LRRC56: variants seen among roughly 807,000 people sequenced by gnomAD.
LRRC56 encodes the protein leucine rich repeat containing 56.
LRRC56 carries 41 observed loss-of-function variants against 47.8 expected under a neutral mutation model. The ratio of observed to expected loss-of-function variants is 0.86; its 90% CI spans 0.67 to 1.11. LRRC56 has a LOEUF of 1.11. Among genes scored for constraint, LRRC56 ranks in the 50% most tolerant of loss-of-function variants. LRRC56 has a pLI of 0.00. For synonymous variants in LRRC56, 387 were observed against 311.2 expected (o/e 1.24, Z -2.56); for missense variants, 759 against 704.2 (o/e 1.08, Z -0.88).
chr11:512,374 C>G, the LRRC56 span, among the ~76,000 whole-genome samples: 1 of 152,126 alleles, frequency 6.6e-6, no homozygotes, highest in Non-Finnish European at 1.5e-5. Flanking sequence ...GCTGGGATCA[C>G]AGGTGCCCGC....
the LRRC56 span, among the ~76,000 whole-genome samples, chr11:521,417 T>G: frequency 6.6e-6 from 1 of 152,092 alleles, no homozygotes; most frequent in Non-Finnish European, 1.5e-5. Flanking sequence ...CAAGCAACCC[T>G]CCTGCCTCAG....
Position 540,601 on chromosome 11 carries a change from G to T in LRRC56, c.-11-73G>T, listed in dbSNP as rs1405136759. On this transcript the variant is annotated intron_variant, in intron 3 of 13. Transcript: ENST00000270115. ...ACGGGGGCGGGGGGTTGAGGGCTGG[G>T]CCAGGGTCTCAGCCGGGCTGCAGAG... 6 of 1,368,174 alleles carry T rather than the reference G, an allele frequency of 4.4e-6. No individual in the cohort carries two copies. The Admixed American group carries it at 8.4e-5, about 19-fold the overall frequency. The allele number at this position is 1,368,174 out of a possible 1,614,324, so 84.8% of individuals were successfully genotyped here.
chr11:532,896 C>T (rs1043208991), upstream of LRRC56: 43 of 842,906 alleles, frequency 5.1e-5, no homozygotes, highest in Non-Finnish European at 6.1e-5. Flanking sequence ...ACCACACACA[C>T]GGGAAGCTGG....
chr11:551,850 G>A, intron 10 of LRRC56, 23 bp downstream of exon 10: 2 of 1,609,024 alleles, frequency 1.2e-6, no homozygotes, highest in South Asian at 1.1e-5. Flanking sequence ...CCTCAAAGCT[G>A]ACCCTGCAGC....
chr11:542,554 C>T (rs1258356408), intron 5 of LRRC56, among the ~76,000 whole-genome samples: 1 of 124,998 alleles, frequency 8.0e-6, no homozygotes, highest in African/African-American at 3.3e-5. Context: ...GCACTCCAGA[C>T]TGGGCGACAG....
chr11:506,659 G>A, the LRRC56 span: 2 of 152,334 alleles, frequency 1.3e-5, no homozygotes, highest in African/African-American at 4.8e-5. Context: ...CTCCGCCAGG[G>A]CGCTCCTTCC....
intron 2 of LRRC56, among the ~76,000 whole-genome samples, chr11:539,289 G>GTA (rs1564796050): frequency 1.3e-5 from 2 of 151,214 alleles, no homozygotes; most frequent in Non-Finnish European, 2.9e-5. Flanking sequence ...GTTTCACCTC[G>GTA]TTAGCCAGGA....
Position 554,224 on chromosome 11 carries a change from C to T in LRRC56, c.1577C>T (p.Ala526Val). 6.6e-7 allele frequency: 1 copy of T among 1,523,240 alleles called. No homozygotes were observed. Among genetic ancestry groups the T allele is most frequent in the Non-Finnish European group, 8.8e-7 (1 of 1,137,952 alleles). The allele number at this position is 1,523,240 out of a possible 1,614,324, so 94.4% of individuals were successfully genotyped here. The change falls in exon 14 of 14, where the codon GCT becomes GTT. Residue 526 changes from alanine to valine, a missense_variant. Coordinates refer to ENST00000270115, the MANE Select transcript of LRRC56 (RefSeq NM_198075.4). Reference protein sequence around the residue: ...PGPKPAPDAAARPPRAAELSH... With the variant: ...PGPKPAPDAAVRPPRAAELSH... Reference sequence around the variant, plus strand: ...CCAAAGCCAGCACCAGATGCAGCAGCTAGACCTCCCAGGGCAGCTGAACTC... The same window carrying T: ...CCAAAGCCAGCACCAGATGCAGCAGTTAGACCTCCCAGGGCAGCTGAACTC...
At chr11:551,535 G>T in intron 9 of LRRC56, 116 bp from the exon 10 acceptor site, 1 of 1,147,918 alleles carries the variant, frequency 8.7e-7, no homozygotes. Flanking sequence ...GCTGCAGCGT[G>T]AGAGGCCAGC....
chr11:532,539 G>A (rs553175921), upstream of LRRC56: 2 of 1,524,504 alleles, frequency 1.3e-6, no homozygotes, highest in East Asian at 2.4e-5. Flanking sequence ...GGGGCACAAG[G>A]GAGGCTGCTG....
At chr11:532,673 C>T, upstream of LRRC56, 1 of 1,613,020 alleles carries the variant, frequency 6.2e-7, no homozygotes, top group Non-Finnish European at 8.5e-7. Context: ...GCAGCCGGGG[C>T]CACTCTCATC....
the LRRC56 span, among the ~76,000 whole-genome samples, chr11:526,356 G>A: frequency 0.096 from 14,593 of 152,192 alleles, 969 homozygotes; most frequent in Admixed American, 0.19. Flanking sequence ...ACGAGATCCC[G>A]CAACACGCCC....
At chr11:544,801 G>A in intron 6 of LRRC56, 21 bp downstream of exon 6, 4 of 1,610,412 alleles carry the variant, frequency 2.5e-6, no homozygotes, top group Non-Finnish European at 3.4e-6. Context: ...GAGGGGGGTG[G>A]GCTGGGGCCC....
At chr11:521,422 C>CCT in the LRRC56 span, among the ~76,000 whole-genome samples, 1 of 152,172 alleles carries the variant, frequency 6.6e-6, no homozygotes, top group Non-Finnish European at 1.5e-5. Flanking sequence ...AACCCTCCTG[C>CCT]CTCAGCCTCC....
intron 6 of LRRC56, among the ~76,000 whole-genome samples, chr11:548,377 C>T (rs1420167589): frequency 1.3e-5 from 2 of 152,100 alleles, no homozygotes; most frequent in African/African-American, 4.8e-5. Context: ...ACCTCCTGGG[C>T]TCAGGTGCTC....
chr11:533,423 G>A (rs768857191), upstream of LRRC56: 1 of 1,610,940 alleles, frequency 6.2e-7, no homozygotes, highest in Non-Finnish European at 8.5e-7. Context: ...GCGGGTCCCT[G>A]GCTAGCTGTG....
chr11:537,634 G>GC (rs1194373117), intron 1 of LRRC56, 29 bp downstream of exon 1: 2 of 152,242 alleles, frequency 1.3e-5, no homozygotes, highest in Non-Finnish European at 2.9e-5. Flanking sequence ...CTTGGGGTGG[G>GC]AGCCGCAAGC....
upstream of LRRC56, among the ~76,000 whole-genome samples, chr11:536,139 C>T (rs1851482870): frequency 6.6e-6 from 1 of 152,238 alleles, no homozygotes; most frequent in Non-Finnish European, 1.5e-5. Flanking sequence ...CCGCAACCCA[C>T]CCCGAGGACG....
intron 6 of LRRC56, among the ~76,000 whole-genome samples, chr11:546,582 A>T (rs1852095136): frequency 6.6e-6 from 1 of 150,606 alleles, no homozygotes; most frequent in Non-Finnish European, 1.5e-5. Flanking sequence ...AAAAAAAAAT[A>T]CATGAAGATC....
Sources: allele counts gnomAD v4.1 joint callset (sites outside exome capture counted in the v4.1 genomes callset), GRCh38; gene constraint gnomAD v4.1.1; transcripts MANE v1.5; gene names NCBI Gene and HGNC (gene_info 2026-07-23, HGNC 2026-07-21).